The following AKR1C4 variants were observed in gnomAD, a reference collection of about 807,000 sequenced individuals.
AKR1C4 encodes aldo-keto reductase family 1 member C4.
In AKR1C4, 44 loss-of-function variants were observed where a neutral mutation model predicts 41.0. The ratio of observed to expected loss-of-function variants is 1.07; its 90% CI spans 0.84 to 1.38. The LOEUF (loss-of-function observed/expected upper bound fraction) is 1.38. AKR1C4 is among the 40% of genes most tolerant of loss of function. The pLI, the probability that AKR1C4 is intolerant of heterozygous loss-of-function variation, is 0.00. For synonymous variants in AKR1C4, 165 were observed against 137.7 expected (o/e 1.20, Z -1.39); for missense variants, 438 against 387.9 (o/e 1.13, Z -1.09).
Position 5,202,421 on chromosome 10 carries a change from T to C in AKR1C4, c.253-1956T>C, listed in dbSNP as rs1554796995. The C allele has an allele frequency of 6.6e-6, 3 of 451,180 alleles. No individual in the cohort carries two copies. In the Admixed American group the frequency reaches 7.2e-5, roughly 11 times the overall value. The allele number at this position is 451,180 out of a possible 1,614,324, so 27.9% of individuals were successfully genotyped here. The stretch of plus-strand genomic sequence containing the variant: ...CTTTTTGGATGAGGCTTTGGGGTTT[T>C]GTAGGTATATGATCATATTACTGGC... On this transcript the variant is annotated intron_variant, in intron 2 of 8. Transcript: ENST00000263126.
intron 5 of AKR1C4, among the ~76,000 whole-genome samples, chr10:5,211,254 G>A (rs1467089065): frequency 1.3e-5 from 2 of 152,184 alleles, no homozygotes; most frequent in African/African-American, 4.8e-5. Context: ...GCAAATTTCT[G>A]CAGCTGGCTT....
intron 3 of AKR1C4, among the ~76,000 whole-genome samples, chr10:5,205,027 T>TAGAA (rs1832463473): frequency 6.6e-6 from 1 of 152,250 alleles, no homozygotes; most frequent in Non-Finnish European, 1.5e-5. Flanking sequence ...CGGTTGTGCA[T>TAGAA]AACTTTTAAA....
In AKR1C4 at chr10:5,213,002, C is replaced by T. The variant is rs1832601241; in HGVS notation, c.689C>T (p.Pro230Leu). The T allele has an allele frequency of 6.2e-7, 1 of 1,614,018 alleles. No individual in the cohort carries two copies. The highest frequency in any genetic ancestry group is 8.5e-7 in the Non-Finnish European group (1 of 1,179,964). ...GTQRHKLWVD[P>L]NSPVLLEDPV... ...TCTGGCTTTCCTTCCAGGGTGGACCCAAACTCCCCAGTTCTTTTGGAGGAC... is the reference window on the plus strand; with the variant it reads ...TCTGGCTTTCCTTCCAGGGTGGACCTAAACTCCCCAGTTCTTTTGGAGGAC... The change falls in exon 7 of 9, where the codon CCA (proline) becomes CTA (leucine). Residue 230 changes from proline (P) to leucine (L), a missense_variant. Pro to Leu is a moderately conservative substitution (Grantham distance 98). Transcript: ENST00000263126.
intron 5 of AKR1C4, chr10:5,207,681 G>C (rs1564402509): frequency 1.1e-6 from 1 of 873,018 alleles, no homozygotes; most frequent in South Asian, 1.3e-5. Context: ...ATGAAATAAA[G>C]GAAGGACTTG....
intron 6 of AKR1C4, 86 bp from the exon 7 acceptor site, chr10:5,212,908 A>G: frequency 2.0e-6 from 3 of 1,522,972 alleles, no homozygotes; most frequent in Non-Finnish European, 2.7e-6. Context: ...GCTCTGGTGC[A>G]GAATGAACAC....
intron 5 of AKR1C4, chr10:5,207,589 G>A: frequency 9.4e-7 from 1 of 1,060,592 alleles, no homozygotes; most frequent in Non-Finnish European, 1.3e-6. Context: ...GTCTCTCTCA[G>A]AAATTGAGAA....
At chr10:5,209,399 T>C (rs1554797742) in intron 5 of AKR1C4, among the ~76,000 whole-genome samples, 1 of 152,028 alleles carries the variant, frequency 6.6e-6, no homozygotes, top group Non-Finnish European at 1.5e-5. Flanking sequence ...CTTTACGTTT[T>C]ATTATAAAAA....
rs117046715 is a variant in AKR1C4 at position 5,212,940 on chromosome 10, C to T, written c.681-54C>T. 20 of 1,593,498 alleles carry T rather than the reference C, an allele frequency of 1.3e-5. No individual in the cohort carries two copies. The East Asian group carries it at 4.5e-4, about 36-fold the overall frequency. On this transcript the variant is annotated intron_variant, in intron 6 of 8. Transcript: ENST00000263126. ...ACACCTTAGTCTGTTTAGGGAGCCT[C>T]CTACCAAACTGAATCCAGCCTCAAG...
chr10:5,198,417 G>C (rs1361821875), intron 1 of AKR1C4, among the ~76,000 whole-genome samples: 2 of 152,140 alleles, frequency 1.3e-5, no homozygotes, highest in Admixed American at 6.5e-5. Context: ...TAATTAACTG[G>C]TTGTACAAAG....
chr10:5,208,968 G>C (rs1365577259), intron 5 of AKR1C4, among the ~76,000 whole-genome samples: 3 of 146,076 alleles, frequency 2.1e-5, no homozygotes, highest in Non-Finnish European at 4.4e-5. Context: ...TTAACTTGTT[G>C]TTCCAAGTTT....
At chr10:5,198,325 G>A (rs1396327390) in intron 1 of AKR1C4, among the ~76,000 whole-genome samples, 10 of 152,120 alleles carry the variant, frequency 6.6e-5, no homozygotes, top group African/African-American at 1.2e-4. Context: ...CCGTAGATGC[G>A]CCTGTTTTCA....
intron 5 of AKR1C4, among the ~76,000 whole-genome samples, 173 bp downstream of exon 5, chr10:5,206,570 A>G (rs545917616): frequency 7.2e-5 from 11 of 152,330 alleles, no homozygotes; most frequent in Admixed American, 3.3e-4. Flanking sequence ...TTCTTGGAGA[A>G]GTCTTAATGA....
chr10:5,204,287 CG>C, intron 2 of AKR1C4, 89 bp from the exon 3 acceptor site: 1 of 1,003,538 alleles, frequency 1.0e-6, no homozygotes, highest in Non-Finnish European at 1.5e-6. Context: ...CTGTTTGGAA[CG>C]GTGAAAAATG....
At chr10:5,200,006 C>T (rs1554796705) in intron 1 of AKR1C4, among the ~76,000 whole-genome samples, 175 bp from the exon 2 acceptor site, 1 of 152,196 alleles carries the variant, frequency 6.6e-6, no homozygotes, top group East Asian at 1.9e-4. Flanking sequence ...GTCAACGGGT[C>T]ATAGTCCCAC....
intron 5 of AKR1C4, among the ~76,000 whole-genome samples, chr10:5,210,699 C>T (rs950335958): frequency 2.6e-5 from 4 of 152,058 alleles, no homozygotes; most frequent in Non-Finnish European, 4.4e-5. Context: ...GCAACCTCCG[C>T]CTCCCAGGTT....
intron 5 of AKR1C4, among the ~76,000 whole-genome samples, chr10:5,210,901 C>T (rs1423651615): frequency 5.9e-5 from 9 of 152,340 alleles, no homozygotes; most frequent in Non-Finnish European, 8.8e-5. Context: ...TGAGCCACCA[C>T]GACCAGCCCC....
chr10:5,204,345 A>AT, intron 2 of AKR1C4, 32 bp from the exon 3 acceptor site: 1 of 1,483,050 alleles, frequency 6.7e-7, no homozygotes, highest in Non-Finnish European at 9.4e-7. Flanking sequence ...TCATGTTTTT[A>AT]TTCAACATAA....
chr10:5,200,399 TGGA>T (rs1832382345), intron 2 of AKR1C4, 51 bp downstream of exon 2: 2 of 1,554,134 alleles, frequency 1.3e-6, no homozygotes, highest in Non-Finnish European at 1.7e-6. Context: ...TGGGATTGTG[TGGA>T]GATGACAATT....
At chr10:5,206,214 G>A in intron 4 of AKR1C4, 61 bp from the exon 5 acceptor site, 2 of 1,610,808 alleles carry the variant, frequency 1.2e-6, no homozygotes, top group South Asian at 1.1e-5. Context: ...GTTCTGTCTT[G>A]CATTTATCAT....
Sources: allele counts gnomAD v4.1 joint callset (sites outside exome capture counted in the v4.1 genomes callset), GRCh38; gene constraint gnomAD v4.1.1; transcripts MANE v1.5; gene names NCBI Gene and HGNC (gene_info 2026-07-23, HGNC 2026-07-21).